Variants in KIAA0825 observed in about 807,000 individuals in gnomAD.
The protein encoded by KIAA0825 is KIAA0825.
A neutral mutation model predicts 147.6 loss-of-function variants in KIAA0825; 119 were observed. That is an observed-to-expected ratio of 0.81 (90% confidence interval 0.69 to 0.94). The LOEUF (loss-of-function observed/expected upper bound fraction) is 0.94, where lower values mean the gene tolerates loss of function less well. KIAA0825 is among the 40% of genes least tolerant of loss of function. KIAA0825 has a pLI of 0.00. For missense variants in KIAA0825, 1,381 were observed against 1,472.7 expected (o/e 0.94, Z 1.02); for synonymous variants, 470 against 518.1 (o/e 0.91, Z 1.26).
chr5:94,401,891 G>C (rs1400399620), intron 16 of KIAA0825, among the ~76,000 whole-genome samples: 2 of 152,138 alleles, frequency 1.3e-5, no homozygotes, highest in African/African-American at 4.8e-5. Context: ...TTAATGTCCA[G>C]CATGTACACA....
chr5:94,205,300 T>TA (rs1554242872), intron 20 of KIAA0825, among the ~76,000 whole-genome samples: 16 of 133,936 alleles, frequency 1.2e-4, no homozygotes, highest in African/African-American at 2.2e-4. Flanking sequence ...TATATATATA[T>TA]TTTGTTTTGT....
At chr5:94,189,068 A>G (rs987267566) in intron 20 of KIAA0825, among the ~76,000 whole-genome samples, 2 of 152,126 alleles carry the variant, frequency 1.3e-5, no homozygotes, top group Non-Finnish European at 2.9e-5. Context: ...GGCCATTTGT[A>G]TATTATCTTT....
At chr5:94,474,181 G>C (rs111548783) in intron 7 of KIAA0825, among the ~76,000 whole-genome samples, 1 of 152,088 alleles carries the variant, frequency 6.6e-6, no homozygotes. Context: ...GGTTGGGGGG[G>C]TACTTGGAAG....
intron 2 of KIAA0825, among the ~76,000 whole-genome samples, chr5:94,542,525 G>A (rs143177481): frequency 1.7e-3 from 265 of 152,200 alleles, no homozygotes; most frequent in African/African-American, 6.0e-3. Flanking sequence ...ATCTGTTTTC[G>A]GCCGGGCACA....
chr5:94,607,147 C>T (rs1342023601), intron 1 of KIAA0825, among the ~76,000 whole-genome samples: 2 of 152,080 alleles, frequency 1.3e-5, no homozygotes, highest in Non-Finnish European at 2.9e-5. Context: ...AGGCTAGTGG[C>T]TGGCACATAG....
chr5:94,377,122 T>C (rs2150489817), intron 20 of KIAA0825, among the ~76,000 whole-genome samples: 1 of 152,344 alleles, frequency 6.6e-6, no homozygotes, highest in Admixed American at 6.5e-5. Context: ...TCAATGCCTC[T>C]TTTAAAACAT....
At position 94,345,174 on chromosome 5, in the gene KIAA0825, G is replaced by C. The variant is rs574154075; in HGVS notation, c.3710+39194C>G. Among the ~76,000 whole-genome samples, 28 of 152,178 alleles carry C rather than the reference G, an allele frequency of 1.8e-4. 1 individual carries two copies. In the South Asian group the frequency reaches 4.8e-3, roughly 26 times the overall value. ...TGGTGTTCAGAAAGAGCGTGGTGAG[G>C]GTGGGGAACTTCAAGGGTGCTGGCA... On this transcript the variant is annotated intron_variant, in intron 20 of 20. Transcript: ENST00000682413.
chr5:94,319,807 G>A (rs1041815378), intron 20 of KIAA0825, among the ~76,000 whole-genome samples: 1 of 151,850 alleles, frequency 6.6e-6, no homozygotes, highest in African/African-American at 2.4e-5. Flanking sequence ...TATTTTTAAA[G>A]TATAAGTCAG....
chr5:94,553,920 C>T lies in KIAA0825; in HGVS notation c.-1-16793G>A, dbSNP rs142596695. 2.1e-3 allele frequency among the ~76,000 whole-genome samples: 314 copies of T among 152,262 alleles called. 2 individuals carry two copies. The highest frequency in any genetic ancestry group is 7.3e-3 in the African/African-American group (305 of 41,550). On this transcript the variant is annotated intron_variant, in intron 2 of 20. Coordinates refer to ENST00000682413, the MANE Select transcript of KIAA0825 (RefSeq NM_001145678.3). ...TTCTGAACCCAAATCAGCTCTTCAA[C>T]GGACTTGACTATTTTGTTCATCAAT...
intron 20 of KIAA0825, among the ~76,000 whole-genome samples, chr5:94,189,941 C>CT (rs777841884): frequency 4.6e-5 from 7 of 152,086 alleles, no homozygotes; most frequent in Admixed American, 3.3e-4. Flanking sequence ...TTACCTTTTA[C>CT]TTTTTTTGCA....
rs149070373 is a variant in KIAA0825 at position 94,166,173 on chromosome 5, C to T, written c.3711-12049G>A. On this transcript the variant is annotated intron_variant, in intron 20 of 20. Transcript: ENST00000682413. ...AATTAAAAAACAAAATAAAACAAAA[C>T]GAAACAAAAAACCACTGTGCTAGGC... is the stretch of plus-strand genomic sequence containing the variant. Among the ~76,000 whole-genome samples the T allele has an allele frequency of 2.6e-3, 397 of 151,966 alleles. 1 individual carries two copies. Among genetic ancestry groups the T allele is most frequent in the African/African-American group, 8.9e-3 (369 of 41,478 alleles).
At chr5:94,482,670 T>G (rs572031768) in intron 6 of KIAA0825, among the ~76,000 whole-genome samples, 1 of 152,184 alleles carries the variant, frequency 6.6e-6, no homozygotes, top group South Asian at 2.1e-4. Context: ...ATTTAAGATT[T>G]TTCTTGACAA....
intron 20 of KIAA0825, among the ~76,000 whole-genome samples, chr5:94,382,000 T>C (rs749408938): frequency 6.6e-6 from 1 of 152,230 alleles, no homozygotes; most frequent in Non-Finnish European, 1.5e-5. Context: ...TTCTTTGTAA[T>C]ATTATGTCCT....
At chr5:94,508,419 A>C (rs1766029977) in intron 5 of KIAA0825, among the ~76,000 whole-genome samples, 2 of 152,136 alleles carry the variant, frequency 1.3e-5, no homozygotes, top group Admixed American at 1.3e-4. Flanking sequence ...ATTACTGTAC[A>C]CCCAAGAAGC....
chr5:94,379,222 T>C (rs980522115), intron 20 of KIAA0825, among the ~76,000 whole-genome samples: 3 of 152,192 alleles, frequency 2.0e-5, no homozygotes, highest in African/African-American at 7.2e-5. Flanking sequence ...TTTTCCAGGA[T>C]TTTTGTAGTT....
chr5:94,432,222 C>A (rs936567583), intron 14 of KIAA0825, among the ~76,000 whole-genome samples: 2 of 152,222 alleles, frequency 1.3e-5, no homozygotes, highest in Admixed American at 1.3e-4. Flanking sequence ...TGGGAACCAG[C>A]AGCAGCGGGA....
At chr5:94,421,652 T>C (rs764604547) in intron 14 of KIAA0825, among the ~76,000 whole-genome samples, 3 of 152,222 alleles carry the variant, frequency 2.0e-5, no homozygotes, top group Non-Finnish European at 2.9e-5. Flanking sequence ...ACTATTAATA[T>C]AGTTTAGGTT....
At chr5:94,368,153 A>G (rs183869057) in intron 20 of KIAA0825, among the ~76,000 whole-genome samples, 47 of 152,290 alleles carry the variant, frequency 3.1e-4, no homozygotes, top group African/African-American at 9.9e-4. Flanking sequence ...TGGTGGGATG[A>G]GATTATAAAT....
At position 94,417,313 on chromosome 5, in the gene KIAA0825, T is replaced by A. The variant is rs1427483483; in HGVS notation, c.2550A>T (p.Glu850Asp). The A allele has an allele frequency of 6.4e-7, 1 of 1,550,420 alleles. No individual in the cohort carries two copies. Among genetic ancestry groups the A allele is most frequent in the Admixed American group, 2.0e-5 (1 of 50,984 alleles). ...AATGGTACAATATTTTAAAGATGGC[T>A]TCCATCAAGCTGGGTCCTTGGTTCA... The part of the protein sequence containing the change: ...NNLNQGPSLM[E>D]AIFKILYHCS... The change falls in exon 15 of 21, where the codon GAA (glutamate) becomes GAT (aspartate). Residue 850 changes from glutamate (E) to aspartate (D), a missense_variant. Glu to Asp is a conservative substitution (Grantham distance 45). Coordinates refer to ENST00000682413, the MANE Select transcript of KIAA0825 (RefSeq NM_001145678.3).
Sources: gnomAD v4.1 joint callset for allele counts (sites outside exome capture counted in the v4.1 genomes callset) on GRCh38, gnomAD v4.1.1 for gene constraint, MANE v1.5 for transcripts, NCBI Gene and HGNC (gene_info 2026-07-23, HGNC 2026-07-21) for gene names.